Variants in USH2A observed in about 807,000 individuals in gnomAD.
The protein encoded by USH2A is Usher syndrome 2A (autosomal recessive, mild).
Under a neutral mutation model 538.9 loss-of-function variants are expected in USH2A, and 443 were observed. That is an observed-to-expected ratio of 0.82 (90% CI 0.76 to 0.89). The LOEUF (loss-of-function observed/expected upper bound fraction) is 0.89. Among genes scored for constraint, USH2A ranks in the 40% least tolerant of loss-of-function variants. The pLI, the probability that USH2A is intolerant of heterozygous loss-of-function variation, is 0.00. For synonymous variants in USH2A, 2,413 were observed against 2,273.5 expected, an observed-to-expected ratio of 1.06 and a Z score of -1.75; for missense variants, 6,633 against 6,324.8, an observed-to-expected ratio of 1.05 and a Z score of -1.65.
At chr1:215,886,388 C>A (rs575828462) in intron 41 of USH2A, among the ~76,000 whole-genome samples, 62 of 152,270 alleles carry the variant, frequency 4.1e-4, no homozygotes, top group African/African-American at 1.4e-3. Context: ...TCGTTCTGAA[C>A]ATGTGAGCCA....
chr1:216,206,622 G>C (rs2102479775), intron 16 of USH2A, among the ~76,000 whole-genome samples: 1 of 152,118 alleles, frequency 6.6e-6, no homozygotes, highest in South Asian at 2.1e-4. Context: ...TGGGGATTGG[G>C]GACCCCTGCC....
intron 37 of USH2A, among the ~76,000 whole-genome samples, chr1:215,951,994 A>T (rs1666930876): frequency 6.6e-6 from 1 of 151,220 alleles, no homozygotes; most frequent in East Asian, 2.0e-4. Context: ...CCTCCCGAGT[A>T]GCTGGGACTA....
chr1:216,072,509 G>GCCA, intron 29 of USH2A: 1 of 302,984 alleles, frequency 3.3e-6, no homozygotes, highest in South Asian at 3.1e-5. Flanking sequence ...TCAAGAAGGT[G>GCCA]CCACTCCCAG....
intron 21 of USH2A, among the ~76,000 whole-genome samples, chr1:216,097,911 A>AC (rs2032480435): frequency 8.3e-6 from 1 of 120,928 alleles, no homozygotes; most frequent in East Asian, 2.4e-4. Context: ...GAATGATGTC[A>AC]CCCCCCTACC....
At chr1:215,766,873 T>A in intron 55 of USH2A, 85 bp from the exon 56 acceptor site, 2 of 1,229,050 alleles carry the variant, frequency 1.6e-6, no homozygotes, top group South Asian at 2.5e-5. Flanking sequence ...TGCAGAGTTG[T>A]AGATATGATA....
At chr1:215,841,981 T>C (rs1311159011) in intron 46 of USH2A, among the ~76,000 whole-genome samples, 2 of 152,144 alleles carry the variant, frequency 1.3e-5, no homozygotes, top group Admixed American at 6.6e-5. Flanking sequence ...TGAATAAAAA[T>C]GAAATTATTA....
chr1:216,201,406 T>A (rs542070387), intron 16 of USH2A, among the ~76,000 whole-genome samples: 1 of 151,602 alleles, frequency 6.6e-6, no homozygotes, highest in Non-Finnish European at 1.5e-5. Flanking sequence ...CCTCCCGGGT[T>A]CAAGCGATTC....
chr1:215,847,989 T>A (rs1003462418), intron 44 of USH2A, among the ~76,000 whole-genome samples: 4 of 152,200 alleles, frequency 2.6e-5, no homozygotes, highest in Admixed American at 1.3e-4. Context: ...GCAATTAATT[T>A]GGAAAATTCT....
intron 4 of USH2A, among the ~76,000 whole-genome samples, chr1:216,360,707 A>T (rs2038475801): frequency 8.1e-6 from 1 of 124,116 alleles, no homozygotes; most frequent in Admixed American, 7.6e-5. Context: ...TGCTCTAAAA[A>T]AATAGTCTAT....
chr1:215,739,685 G>C (rs1660248965), intron 60 of USH2A, among the ~76,000 whole-genome samples: 1 of 152,212 alleles, frequency 6.6e-6, no homozygotes, highest in Non-Finnish European at 1.5e-5. Context: ...TCAAATTAAT[G>C]TTTGCTGAGA....
At chr1:215,700,388 G>C (rs1486126123) in intron 61 of USH2A, among the ~76,000 whole-genome samples, 1 of 152,146 alleles carries the variant, frequency 6.6e-6, no homozygotes, top group African/African-American at 2.4e-5. Context: ...AATTGTACCA[G>C]CTCCTCTTTG....
chr1:216,008,593 GA>G (rs1446111643), intron 32 of USH2A, among the ~76,000 whole-genome samples: 1 of 152,132 alleles, frequency 6.6e-6, no homozygotes, highest in Non-Finnish European at 1.5e-5. Context: ...CCTCCCTTGG[GA>G]GATCAATCCC....
chr1:216,123,122 A>C (rs2102596063), intron 21 of USH2A, among the ~76,000 whole-genome samples: 1 of 152,336 alleles, frequency 6.6e-6, no homozygotes, highest in Non-Finnish European at 1.5e-5. Context: ...AGGCTCAGAA[A>C]GATTATCCAA....
intron 38 of USH2A, among the ~76,000 whole-genome samples, chr1:215,916,428 T>C (rs565394181): frequency 5.3e-4 from 80 of 152,218 alleles, no homozygotes; most frequent in African/African-American, 1.8e-3. Flanking sequence ...AAATACAACC[T>C]GAAGGTGGTA....
chr1:215,871,848 G>A (rs1664629573), intron 43 of USH2A, among the ~76,000 whole-genome samples: 1 of 152,090 alleles, frequency 6.6e-6, no homozygotes, highest in African/African-American at 2.4e-5. Flanking sequence ...GATAAGAAGT[G>A]GTATTTTATC....
intron 30 of USH2A, among the ~76,000 whole-genome samples, chr1:216,057,522 A>AAAAAAAC (rs1187946486): frequency 6.6e-6 from 1 of 151,948 alleles, no homozygotes; most frequent in Non-Finnish European, 1.5e-5. Flanking sequence ...AACAAAAACA[A>AAAAAAAC]AAAAAACAAA....
At chr1:215,765,674 CTA>C (rs3049529) in intron 56 of USH2A, among the ~76,000 whole-genome samples, 17,136 of 152,060 alleles carry the variant, frequency 0.11, 2,640 homozygotes, top group African/African-American at 0.35. Context: ...GTAACCATTG[CTA>C]TCAGTTGGTG....
chr1:216,172,310 C>G lies in USH2A; in HGVS notation c.4627+2942G>C, dbSNP rs188746786. 3.9e-5 allele frequency among the ~76,000 whole-genome samples: 6 copies of G among 152,112 alleles called. No individual in the cohort carries two copies. The East Asian group carries it at 1.2e-3, about 29-fold the overall frequency. On this transcript the variant is annotated intron_variant, in intron 21 of 71. Transcript: ENST00000307340. ...AATTCCTGTCATTGATGGGTACAAT[C>G]TAACTTATCTTTTCATATATAAAAT...
rs2102466248 is a variant in USH2A, at chr1:216,199,670, A to G, written c.3768T>C (p.Ser1256=). 1 of 1,614,110 alleles carries G rather than the reference A, an allele frequency of 6.2e-7. No individual in the cohort carries two copies. The highest frequency in any genetic ancestry group is 1.1e-5 in the South Asian group (1 of 91,084). ...LSPPKMQKIS[S]TELHVEWSPP... The stretch of plus-strand genomic sequence containing the variant: ...GAGACCATTCTACATGAAGTTCTGT[A>G]GAACTGATTTTCTGCATCTTAGGTG... The change falls in exon 17 of 72, where the codon TCT becomes TCC. Residue 1256 remains serine (S), a synonymous_variant. Transcript: ENST00000307340.
Sources: gnomAD v4.1 joint callset for allele counts (sites outside exome capture counted in the v4.1 genomes callset) on GRCh38, gnomAD v4.1.1 for gene constraint, MANE v1.5 for transcripts, NCBI Gene and HGNC (gene_info 2026-07-23, HGNC 2026-07-21) for gene names.